OCA2: variants seen among roughly 807,000 people sequenced by gnomAD.
OCA2 encodes the protein OCA2 melanosomal transmembrane protein, also known as P protein.
In OCA2, 77 loss-of-function variants were observed where a neutral mutation model predicts 100.2. The observed-to-expected ratio is 0.77, with a 90% CI of 0.64 to 0.93. OCA2 has a LOEUF of 0.93. OCA2 is among the 40% of genes least tolerant of loss of function. The probability of loss-of-function intolerance (pLI) is 0.00; values close to 1 mark genes in which losing one functional copy is unlikely to be tolerated. For missense variants in OCA2, 1,062 were observed against 1,089.1 expected, an observed-to-expected ratio of 0.98 and a Z score of 0.35; for synonymous variants, 432 against 439.2, an observed-to-expected ratio of 0.98 and a Z score of 0.21.
At chr15:27,955,351 G>C in intron 16 of OCA2, 136 bp from the exon 17 acceptor site, 3 of 731,724 alleles carry the variant, frequency 4.1e-6, no homozygotes, top group South Asian at 1.5e-5. Flanking sequence ...AGTCATGGGG[G>C]GCCGGTGGGG....
intron 23 of OCA2, among the ~76,000 whole-genome samples, chr15:27,780,882 C>T (rs1255785061): frequency 6.6e-6 from 1 of 152,100 alleles, no homozygotes; most frequent in Non-Finnish European, 1.5e-5. Context: ...AATAAAAATC[C>T]ATGGTTCATA....
intron 23 of OCA2, among the ~76,000 whole-genome samples, chr15:27,766,996 G>A (rs1360624848): frequency 2.6e-5 from 4 of 152,088 alleles, no homozygotes; most frequent in Middle Eastern, 3.2e-3. Flanking sequence ...CCCCTTCTTC[G>A]CCCCTATCCA....
At chr15:28,031,610 A>G (rs2042909007) in intron 3 of OCA2, among the ~76,000 whole-genome samples, 1 of 152,204 alleles carries the variant, frequency 6.6e-6, no homozygotes, top group South Asian at 2.1e-4. Context: ...AGGGTTTCTC[A>G]ACTTCGTCAC....
intron 18 of OCA2, among the ~76,000 whole-genome samples, chr15:27,943,203 G>A (rs2039710602): frequency 6.6e-6 from 1 of 152,112 alleles, no homozygotes; most frequent in Non-Finnish European, 1.5e-5. Context: ...TGAAAAACTA[G>A]TTCAGGGCAT....
chr15:28,070,323 G>A (rs2044200804), intron 2 of OCA2, among the ~76,000 whole-genome samples: 1 of 139,404 alleles, frequency 7.2e-6, no homozygotes. Flanking sequence ...GGGGGGGTCA[G>A]CCCCCCGCCC....
rs1444988470 is a variant in OCA2 at position 27,985,074 on chromosome 15, C to G, written c.1354G>C (p.Val452Leu). 6.2e-7 allele frequency: 1 copy of G among 1,613,906 alleles called. No homozygotes were observed. Among genetic ancestry groups the G allele is most frequent in the Non-Finnish European group, 8.5e-7 (1 of 1,179,900 alleles). Reference sequence around the variant, plus strand: ...AGGTGCTTTGCGTACCTTATGGTCACAGGCGTGAAGAGGAGCATGGTGGTG... The same window carrying G: ...AGGTGCTTTGCGTACCTTATGGTCAGAGGCGTGAAGAGGAGCATGGTGGTG... ...NVTTMLLFTP[V>L]TIRLCEVLNL... The change falls in exon 13 of 24, where the codon GTG becomes CTG. Residue 452 changes from valine to leucine, a missense_variant. Transcript: ENST00000354638.
chr15:27,943,858 G>A (rs7169225), intron 18 of OCA2, among the ~76,000 whole-genome samples: 77,205 of 151,742 alleles, frequency 0.51, 24,308 homozygotes, highest in Non-Finnish European at 0.72. Context: ...GCACCTTGCC[G>A]GACTGAACCA....
At chr15:27,859,869 T>C (rs972749068) in intron 21 of OCA2, among the ~76,000 whole-genome samples, 2 of 152,108 alleles carry the variant, frequency 1.3e-5, no homozygotes, top group Non-Finnish European at 2.9e-5. Flanking sequence ...AGATGGCAGA[T>C]AGCAGCACTC....
At chr15:27,804,736 G>C (rs1347369330) in intron 23 of OCA2, among the ~76,000 whole-genome samples, 1 of 152,138 alleles carries the variant, frequency 6.6e-6, no homozygotes, top group Non-Finnish European at 1.5e-5. Flanking sequence ...AAGAGGGCTG[G>C]GGCGCCCCTC....
In OCA2 at chr15:28,075,850, A is replaced by C. The variant is rs184682317; in HGVS notation, c.227+5798T>G. Among the ~76,000 whole-genome samples the C allele has an allele frequency of 4.9e-4, 75 of 152,354 alleles. No homozygotes were observed. The Middle Eastern group carries it at 0.024, about 48-fold the overall frequency. On this transcript the variant is annotated intron_variant, in intron 2 of 23. Transcript: ENST00000354638. Reference sequence around the variant, plus strand: ...GAAACAGGCCAAAATGTAAAAACAGAAAACAGATTGATGGTTAACAAGTGC... The same window carrying C: ...GAAACAGGCCAAAATGTAAAAACAGCAAACAGATTGATGGTTAACAAGTGC...
chr15:27,725,512 G>A, the OCA2 span, among the ~76,000 whole-genome samples: 1 of 152,208 alleles, frequency 6.6e-6, no homozygotes, highest in African/African-American at 2.4e-5. Context: ...AGGTTGTAGT[G>A]GGCCAAGGTT....
the OCA2 span, among the ~76,000 whole-genome samples, chr15:27,739,558 G>A: frequency 6.9e-6 from 1 of 145,606 alleles, no homozygotes; most frequent in Non-Finnish European, 1.5e-5. Flanking sequence ...TGATTCTCCT[G>A]CCTCAGCCTC....
chr15:27,785,721 C>T (rs2032781987), intron 23 of OCA2, among the ~76,000 whole-genome samples: 1 of 152,074 alleles, frequency 6.6e-6, no homozygotes, highest in African/African-American at 2.4e-5. Context: ...CCCATATGTT[C>T]CCACAATCCC....
Position 27,966,860 on chromosome 15 carries a change from G to C in OCA2, c.1504-38C>G, listed in dbSNP as rs193104572. ...AAGGGGAAATGAAATGGCAGCCCAG[G>C]CATGGTGGCTCACGCCTGTAATCCC... On this transcript the variant is annotated intron_variant, in intron 14 of 23. Coordinates refer to ENST00000354638, the MANE Select transcript of OCA2 (RefSeq NM_000275.3). 2.5e-6 allele frequency: 4 copies of C among 1,584,824 alleles called. No homozygotes were observed. The African/African-American group carries it at 5.4e-5, about 21-fold the overall frequency.
intron 2 of OCA2, among the ~76,000 whole-genome samples, chr15:28,044,356 A>G (rs2043287181): frequency 6.6e-6 from 1 of 152,190 alleles, no homozygotes; most frequent in Non-Finnish European, 1.5e-5. Flanking sequence ...GTGGCTAGGT[A>G]TATTTCCTAA....
At chr15:27,733,375 G>A in the OCA2 span, among the ~76,000 whole-genome samples, 2 of 152,124 alleles carry the variant, frequency 1.3e-5, no homozygotes, top group Admixed American at 1.3e-4. Flanking sequence ...TCACTCCCCT[G>A]TCTCCAGCCC....
intron 9 of OCA2, among the ~76,000 whole-genome samples, chr15:28,003,111 C>G (rs947045898): frequency 3.3e-5 from 5 of 152,238 alleles, no homozygotes; most frequent in Admixed American, 3.3e-4. Context: ...TGTGCTTCTT[C>G]CCCCACGTGA....
chr15:27,751,536 C>T (rs570085890), downstream of OCA2, among the ~76,000 whole-genome samples: 5 of 152,308 alleles, frequency 3.3e-5, no homozygotes, highest in African/African-American at 2.4e-5. Context: ...CAGCATATAA[C>T]ATATTGGATT....
intron 14 of OCA2, among the ~76,000 whole-genome samples, chr15:27,976,696 T>A (rs2040977798): frequency 6.6e-6 from 1 of 152,232 alleles, no homozygotes; most frequent in Non-Finnish European, 1.5e-5. Context: ...AATATTTATC[T>A]ATAGTTGCCT....
Sources: allele counts gnomAD v4.1 joint callset (sites outside exome capture counted in the v4.1 genomes callset), GRCh38; gene constraint gnomAD v4.1.1; transcripts MANE v1.5; gene names NCBI Gene and HGNC (gene_info 2026-07-23, HGNC 2026-07-21).